CACNA2D3: variants seen among roughly 807,000 people sequenced by gnomAD.
The protein encoded by CACNA2D3 is voltage-dependent calcium channel subunit alpha-2/delta-3.
CACNA2D3 carries 60 observed loss-of-function variants against 160.6 expected under a neutral mutation model. The ratio of observed to expected loss-of-function variants is 0.37; its 90% confidence interval spans 0.30 to 0.46. CACNA2D3 has a LOEUF of 0.46. CACNA2D3 is among the 20% of genes least tolerant of loss of function. The pLI is 1.00. For missense variants in CACNA2D3, 1,205 were observed against 1,365.0 expected (o/e 0.88, Z 1.85); for synonymous variants, 558 against 492.9 (o/e 1.13, Z -1.75).
chr3:54,383,305 G>C (rs905269238), intron 3 of CACNA2D3, among the ~76,000 whole-genome samples: 1 of 152,186 alleles, frequency 6.6e-6, no homozygotes, highest in Non-Finnish European at 1.5e-5. Context: ...GTACACAGCA[G>C]CTGAGCCTGT....
At chr3:54,375,225 T>A (rs1459464558) in intron 3 of CACNA2D3, among the ~76,000 whole-genome samples, 1 of 152,170 alleles carries the variant, frequency 6.6e-6, no homozygotes, top group African/African-American at 2.4e-5. Context: ...TTTATCATGT[T>A]GTGTTGCAGT....
chr3:54,519,375 T>C (rs1330216691), intron 5 of CACNA2D3, among the ~76,000 whole-genome samples: 1 of 152,126 alleles, frequency 6.6e-6, no homozygotes, highest in Admixed American at 6.5e-5. Context: ...TGGGGGACGC[T>C]CTGATCCCAT....
chr3:54,128,880 A>G (rs1344058474), intron 2 of CACNA2D3, among the ~76,000 whole-genome samples: 1 of 152,204 alleles, frequency 6.6e-6, no homozygotes, highest in Non-Finnish European at 1.5e-5. Context: ...TCCCCTTTAA[A>G]TGTAATTTTT....
intron 27 of CACNA2D3, among the ~76,000 whole-genome samples, chr3:54,914,458 C>T (rs769197844): frequency 1.8e-4 from 28 of 152,144 alleles, no homozygotes; most frequent in Non-Finnish European, 3.2e-4. Flanking sequence ...TTATCAAGGT[C>T]GTCTTGATGG....
chr3:54,764,392 C>T (rs1412230612), intron 13 of CACNA2D3, 41 bp downstream of exon 13: 1 of 1,605,938 alleles, frequency 6.2e-7, no homozygotes, highest in African/African-American at 1.3e-5. Context: ...AAGCTTTACC[C>T]CCATCCCCAA....
Position 54,123,840 on chromosome 3 carries a change from G to A in CACNA2D3, c.204+246G>A, listed in dbSNP as rs1253665703. 2.6e-5 allele frequency among the ~76,000 whole-genome samples: 4 copies of A among 152,232 alleles called. No individual in the cohort carries two copies. In the South Asian group the frequency reaches 6.2e-4, roughly 24 times the overall value. On this transcript the variant is annotated intron_variant, in intron 2 of 37. Coordinates refer to ENST00000474759, the MANE Select transcript of CACNA2D3 (RefSeq NM_018398.3). Reference sequence around the variant, plus strand: ...ACTCGCACTGTCCTGGCTGGGGCTCGGAAACTGAGTGTTTTTGCATGGCTC... The same window carrying A: ...ACTCGCACTGTCCTGGCTGGGGCTCAGAAACTGAGTGTTTTTGCATGGCTC...
chr3:54,219,927 C>G (rs538643340), intron 2 of CACNA2D3, among the ~76,000 whole-genome samples: 1 of 152,102 alleles, frequency 6.6e-6, no homozygotes, highest in Non-Finnish European at 1.5e-5. Context: ...TCTTTCCTTA[C>G]TAACCGAGAG....
chr3:54,659,394 ATATT>A (rs1699929361), intron 11 of CACNA2D3, among the ~76,000 whole-genome samples: 1 of 152,110 alleles, frequency 6.6e-6, no homozygotes, highest in Admixed American at 6.5e-5. Context: ...TATGATACAG[ATATT>A]TATAGTATAT....
intron 3 of CACNA2D3, chr3:54,385,981 G>A (rs1387030364): frequency 4.0e-6 from 2 of 504,204 alleles, no homozygotes; most frequent in East Asian, 5.5e-5. Context: ...ATATCTTATT[G>A]TAGGCAAAAT....
At chr3:54,281,708 A>G (rs7630541) in intron 2 of CACNA2D3, among the ~76,000 whole-genome samples, 49,274 of 152,084 alleles carry the variant, frequency 0.32, 8,353 homozygotes, top group African/African-American at 0.4. Flanking sequence ...ATTTTATTGT[A>G]TAGAATTAAA....
Position 54,126,989 on chromosome 3 carries a change from C to T in CACNA2D3, c.204+3395C>T, listed in dbSNP as rs116691805. On this transcript the variant is annotated intron_variant, in intron 2 of 37. Coordinates refer to ENST00000474759, the MANE Select transcript of CACNA2D3 (RefSeq NM_018398.3). ...TCAGTGAGAAGCATTCTAGTAGGTC[C>T]GGGAACCTAGGCTGTTAAACTCAGT... Among the ~76,000 whole-genome samples, 170 of 152,210 alleles carry T rather than the reference C, an allele frequency of 1.1e-3. 1 individual carries two copies. The highest frequency in any genetic ancestry group is 3.8e-3 in the African/African-American group (159 of 41,520).
chr3:54,540,046 T>A (rs1170567653), intron 5 of CACNA2D3, among the ~76,000 whole-genome samples: 3 of 152,224 alleles, frequency 2.0e-5, no homozygotes, highest in Non-Finnish European at 4.4e-5. Context: ...CTGTTGTTTC[T>A]TCCCAAGTGA....
At chr3:54,882,630 T>C (rs969366492) in intron 21 of CACNA2D3, among the ~76,000 whole-genome samples, 10 of 152,186 alleles carry the variant, frequency 6.6e-5, no homozygotes, top group African/African-American at 2.2e-4. Context: ...TCTCTGTTGG[T>C]CCTCTGTAAA....
intron 9 of CACNA2D3, among the ~76,000 whole-genome samples, chr3:54,625,957 G>A (rs1169923881): frequency 6.6e-6 from 1 of 152,150 alleles, no homozygotes; most frequent in East Asian, 1.9e-4. Context: ...GGCATGCCTG[G>A]GGCGTTGTTG....
At chr3:54,559,613 C>T (rs1702294323) in intron 5 of CACNA2D3, among the ~76,000 whole-genome samples, 1 of 152,104 alleles carries the variant, frequency 6.6e-6, no homozygotes, top group African/African-American at 2.4e-5. Context: ...TTTTTAACTT[C>T]AGGGGTACAT....
chr3:54,760,404 G>A (rs1702061279), intron 12 of CACNA2D3, among the ~76,000 whole-genome samples: 1 of 152,170 alleles, frequency 6.6e-6, no homozygotes, highest in African/African-American at 2.4e-5. Flanking sequence ...CAGTGAGCAA[G>A]AGGGAGATGG....
chr3:54,354,702 G>A lies in CACNA2D3; in HGVS notation c.322-32013G>A, dbSNP rs1698619580. Among the ~76,000 whole-genome samples, 2 of 152,154 alleles carry A rather than the reference G, an allele frequency of 1.3e-5. 1 individual carries two copies. The highest frequency in any genetic ancestry group is 4.8e-5 in the African/African-American group (2 of 41,438). On this transcript the variant is annotated intron_variant, in intron 3 of 37. Transcript: ENST00000474759. ...TTAATTCCTCTTGTCATTCTACCTC[G>A]AGGCTGGAGTGTGGGATCTAAGACC... is the stretch of plus-strand genomic sequence containing the variant.
At chr3:54,622,969 G>C (rs961787972) in intron 9 of CACNA2D3, among the ~76,000 whole-genome samples, 15 of 152,194 alleles carry the variant, frequency 9.9e-5, no homozygotes, top group Admixed American at 9.8e-4. Context: ...TTAAGAAGGG[G>C]AGGAGGGGCA....
At chr3:54,631,373 T>C (rs1699235038) in intron 10 of CACNA2D3, among the ~76,000 whole-genome samples, 1 of 152,230 alleles carries the variant, frequency 6.6e-6, no homozygotes, top group Admixed American at 6.5e-5. Flanking sequence ...AGCTAAACTC[T>C]TTGACAAACA....
Sources: allele counts gnomAD v4.1 joint callset (sites outside exome capture counted in the v4.1 genomes callset), GRCh38; gene constraint gnomAD v4.1.1; transcripts MANE v1.5; gene names NCBI Gene and HGNC (gene_info 2026-07-23, HGNC 2026-07-21).